CSNK2A2IP: variants seen among roughly 807,000 people sequenced by gnomAD.
CSNK2A2IP encodes the protein casein kinase II subunit alpha'-interacting protein.
chr3:88,386,103 C>T, the CSNK2A2IP span, among the ~76,000 whole-genome samples: 1 of 151,638 alleles, frequency 6.6e-6, no homozygotes. Flanking sequence ...TGCAGTAATA[C>T]TCAATTTCTT....
At chr3:88,418,330 C>T in the CSNK2A2IP span, among the ~76,000 whole-genome samples, 18 of 152,016 alleles carry the variant, frequency 1.2e-4, no homozygotes, top group Admixed American at 4.6e-4. Context: ...GCATGCCTGT[C>T]GGCATCTTAT....
the CSNK2A2IP span, among the ~76,000 whole-genome samples, chr3:88,437,759 C>T: frequency 6.6e-6 from 1 of 152,154 alleles, no homozygotes. Flanking sequence ...ATTCAGGAGT[C>T]CTAGTTGGAT....
chr3:88,371,113 A>T, the CSNK2A2IP span, among the ~76,000 whole-genome samples: 1 of 151,842 alleles, frequency 6.6e-6, no homozygotes, highest in East Asian at 1.9e-4. Context: ...AATGGTCATG[A>T]CAAGTTTGCA....
At chr3:88,405,066 C>A in the CSNK2A2IP span, among the ~76,000 whole-genome samples, 1 of 152,214 alleles carries the variant, frequency 6.6e-6, no homozygotes, top group Non-Finnish European at 1.5e-5. Context: ...TCCACCTTTA[C>A]CTTGATGTTT....
the CSNK2A2IP span, among the ~76,000 whole-genome samples, chr3:88,444,918 T>A: frequency 2.0e-5 from 3 of 152,162 alleles, no homozygotes; most frequent in Admixed American, 2.0e-4. Context: ...GTGTATCACA[T>A]TTTACTTAAA....
the CSNK2A2IP span, among the ~76,000 whole-genome samples, chr3:88,345,715 T>C: frequency 1.3e-5 from 2 of 151,918 alleles, no homozygotes; most frequent in African/African-American, 4.8e-5. Flanking sequence ...CAACTGGACA[T>C]TCCCCCGTCT....
At chr3:88,462,714 A>G in the CSNK2A2IP span, among the ~76,000 whole-genome samples, 1 of 152,160 alleles carries the variant, frequency 6.6e-6, no homozygotes, top group African/African-American at 2.4e-5. Context: ...TTAAATGAAG[A>G]AGTGCTTGGA....
chr3:88,359,422 G>A, the CSNK2A2IP span, among the ~76,000 whole-genome samples: 9 of 151,226 alleles, frequency 6.0e-5, no homozygotes. Context: ...GGTTTGGTAG[G>A]CTTTTGCATT....
At chr3:88,348,778 A>C in the CSNK2A2IP span, among the ~76,000 whole-genome samples, 1 of 152,050 alleles carries the variant, frequency 6.6e-6, no homozygotes, top group African/African-American at 2.4e-5. Context: ...CTACTTAGAG[A>C]ATCAAAAAAT....
the CSNK2A2IP span, among the ~76,000 whole-genome samples, chr3:88,361,677 G>A: frequency 2.0e-5 from 3 of 152,040 alleles, no homozygotes; most frequent in Non-Finnish European, 2.9e-5. Flanking sequence ...GGTTTGGAAA[G>A]TTCTTTGTCA....
At chr3:88,415,852 C>T in the CSNK2A2IP span, among the ~76,000 whole-genome samples, 3 of 151,978 alleles carry the variant, frequency 2.0e-5, no homozygotes, top group Admixed American at 2.0e-4. Context: ...GCAGTGTGAC[C>T]TCTGAGAGTA....
the CSNK2A2IP span, among the ~76,000 whole-genome samples, chr3:88,392,948 G>A: frequency 2.6e-5 from 4 of 152,160 alleles, no homozygotes; most frequent in Non-Finnish European, 5.9e-5. Flanking sequence ...ATAGCACAAG[G>A]TTTAGGGAAG....
the CSNK2A2IP span, among the ~76,000 whole-genome samples, chr3:88,340,278 T>G: frequency 6.6e-6 from 1 of 151,880 alleles, no homozygotes; most frequent in Non-Finnish European, 1.5e-5. Flanking sequence ...TTAAGACACA[T>G]CTAGAGAAAG....
chr3:88,380,754 GA>G, the CSNK2A2IP span, among the ~76,000 whole-genome samples: 7 of 149,460 alleles, frequency 4.7e-5, no homozygotes, highest in Admixed American at 6.6e-5. Context: ...ATAAGAAACA[GA>G]AAAAAAAATA....
At chr3:88,428,927 A>G in the CSNK2A2IP span, among the ~76,000 whole-genome samples, 9 of 151,448 alleles carry the variant, frequency 5.9e-5, no homozygotes, top group African/African-American at 2.2e-4. Context: ...AGTGATTTAT[A>G]AAACAATTAA....
At chr3:88,409,047 G>A in the CSNK2A2IP span, among the ~76,000 whole-genome samples, 5 of 152,012 alleles carry the variant, frequency 3.3e-5, no homozygotes, top group African/African-American at 9.7e-5. Flanking sequence ...CTGACCCACA[G>A]CATTGCTTAA....
chr3:88,438,913 G>A, the CSNK2A2IP span, among the ~76,000 whole-genome samples: 9 of 138,248 alleles, frequency 6.5e-5, no homozygotes, highest in African/African-American at 2.2e-4. Flanking sequence ...TCTCCATGTT[G>A]TCTTCAAACT....
At chr3:88,425,644 C>T in the CSNK2A2IP span, among the ~76,000 whole-genome samples, 1 of 152,148 alleles carries the variant, frequency 6.6e-6, no homozygotes, top group Admixed American at 6.5e-5. Context: ...ATGTTCTTTA[C>T]TTTCTATAAA....
chr3:88,447,694 C>T, the CSNK2A2IP span, among the ~76,000 whole-genome samples: 2 of 151,954 alleles, frequency 1.3e-5, no homozygotes, highest in African/African-American at 2.4e-5. Flanking sequence ...TAGAATGATA[C>T]ATAGGCAGTA....
Sources: allele counts gnomAD v4.1 joint callset (sites outside exome capture counted in the v4.1 genomes callset), GRCh38; gene constraint gnomAD v4.1.1; transcripts MANE v1.5; gene names NCBI Gene and HGNC (gene_info 2026-07-23, HGNC 2026-07-21).